Variants in SLC43A2 observed in about 807,000 individuals in gnomAD.
The protein encoded by SLC43A2 is solute carrier family 43 member 2.
Under a neutral mutation model 63.2 loss-of-function variants are expected in SLC43A2, and 38 were observed. That is an observed-to-expected ratio of 0.60 (90% CI 0.46 to 0.79). The LOEUF is 0.79. SLC43A2 is among the 30% of genes least tolerant of loss of function. The probability of loss-of-function intolerance (pLI) is 0.00; values close to 1 mark genes in which losing one functional copy is unlikely to be tolerated. For missense variants in SLC43A2, 644 were observed against 756.2 expected, an observed-to-expected ratio of 0.85 and a Z score of 1.74; for synonymous variants, 322 against 331.0, an observed-to-expected ratio of 0.97 and a Z score of 0.30.
At chr17:1,615,948 C>G (rs1461398080) in intron 3 of SLC43A2, among the ~76,000 whole-genome samples, 1 of 148,256 alleles carries the variant, frequency 6.7e-6, no homozygotes, top group Non-Finnish European at 1.5e-5. Context: ...GAGGGTGAGA[C>G]AGGAGAATTG....
chr17:1,578,438 A>C lies in SLC43A2; in HGVS notation c.1351-115T>G. 1.1e-6 allele frequency: 1 copy of C among 928,834 alleles called. No individual in the cohort carries two copies. The highest frequency in any genetic ancestry group is 1.6e-6 in the Non-Finnish European group (1 of 616,914). 57.5% of individuals were successfully genotyped at this position (928,834 alleles called of 1,614,324 possible). Reference sequence around the variant, plus strand: ...AGGGGCAGTGTCAGCCTGGAGTTGGATCAACCCCATCCTCCGGAGCCAATT... The same window carrying C: ...AGGGGCAGTGTCAGCCTGGAGTTGGCTCAACCCCATCCTCCGGAGCCAATT... On this transcript the variant is annotated intron_variant, in intron 11 of 13. Transcript: ENST00000301335. This position sits in a 1 kb window ranked among gnomAD's most constrained non-coding sequence, Gnocchi z 6.5.
At position 1,606,747 on chromosome 17, in the gene SLC43A2, C is replaced by T. The variant is rs531901177; in HGVS notation, c.501+6448G>A. 1.2e-3 allele frequency among the ~76,000 whole-genome samples: 184 copies of T among 152,372 alleles called. No individual in the cohort carries two copies. The highest frequency in any genetic ancestry group is 2.2e-3 in the Admixed American group (33 of 15,308). ...CCCGGGGGAGGCTGAGGATCCACACCGTGGGGAGTGCTCTGCCCCCATGGA... is the reference window on the plus strand; with the variant it reads ...CCCGGGGGAGGCTGAGGATCCACACTGTGGGGAGTGCTCTGCCCCCATGGA... On this transcript the variant is annotated intron_variant, in intron 5 of 13. Coordinates refer to ENST00000301335, the MANE Select transcript of SLC43A2 (RefSeq NM_152346.3). This position sits in a 1 kb window ranked among gnomAD's most constrained non-coding sequence, Gnocchi z 4.7.
At chr17:1,589,027 C>T (rs980004490) in intron 9 of SLC43A2, among the ~76,000 whole-genome samples, 11 of 152,314 alleles carry the variant, frequency 7.2e-5, no homozygotes, top group Middle Eastern at 3.4e-3. Flanking sequence ...GCCTCTCGGC[C>T]GGAGCTAGGG....
At chr17:1,585,077 G>C (rs1224554900) in intron 10 of SLC43A2, among the ~76,000 whole-genome samples, 1 of 152,180 alleles carries the variant, frequency 6.6e-6, no homozygotes, top group Non-Finnish European at 1.5e-5. Flanking sequence ...GCCGGGCGCG[G>C]TGCCTCATAC....
At position 1,591,670 on chromosome 17, in the gene SLC43A2, G is replaced by C. The variant is rs1427259219; in HGVS notation, c.624C>G (p.Ile208Met). Reference sequence around the variant, plus strand: ...AGCCGGCCCAGACCACGAGGACGACGATGAAGGAGACACCAGCATCATAGA... The same window carrying C: ...AGCCGGCCCAGACCACGAGGACGACCATGAAGGAGACACCAGCATCATAGA... ...KLIYDAGVSF[I>M]VVLVVWAGCS... The change falls in exon 7 of 14, where the codon ATC (isoleucine) becomes ATG (methionine). Residue 208 changes from isoleucine (I) to methionine (M), a missense_variant. By Grantham distance (10) the Ile-to-Met change is conservative. Around this residue, in one of 3 missense-constraint regions of SLC43A2, gnomAD observed 528 missense variants for 623.6 expected, o/e 0.85. Transcript: ENST00000301335. The C allele has an allele frequency of 2.8e-6, 4 of 1,412,626 alleles. No individual in the cohort carries two copies. The African/African-American group carries it at 6.0e-5, about 21-fold the overall frequency. The allele number at this position is 1,412,626 out of a possible 1,614,324, so 87.5% of individuals were successfully genotyped here. A position where few individuals can be genotyped will look rare whatever the true frequency, so the allele number is the denominator to read the frequency against.
chr17:1,620,843 A>G (rs1245901237), intron 2 of SLC43A2, among the ~76,000 whole-genome samples: 1 of 151,944 alleles, frequency 6.6e-6, no homozygotes, highest in African/African-American at 2.4e-5. Context: ...CAGGAGAGAG[A>G]CAAACAGATT....
intron 10 of SLC43A2, among the ~76,000 whole-genome samples, chr17:1,584,677 G>A (rs142642401): frequency 0.098 from 14,902 of 151,770 alleles, 962 homozygotes; most frequent in Middle Eastern, 0.17. Flanking sequence ...AAAATTAGCC[G>A]GGCGTGGTGG....
At chr17:1,589,357 C>A (rs1904531591) in intron 9 of SLC43A2, among the ~76,000 whole-genome samples, 1 of 151,980 alleles carries the variant, frequency 6.6e-6, no homozygotes, top group Non-Finnish European at 1.5e-5. Flanking sequence ...GTAATCCCAG[C>A]ACTTTGGGAG....
intron 9 of SLC43A2, among the ~76,000 whole-genome samples, chr17:1,586,423 G>A (rs1413736039): frequency 8.5e-5 from 13 of 152,148 alleles, no homozygotes; most frequent in African/African-American, 1.7e-4. Context: ...ACGGCTGGGC[G>A]CGGTGGCTCA....
At chr17:1,591,187 TTGGGGTGAGGTGGGAA>T in intron 8 of SLC43A2, 66 bp downstream of exon 8, 7 of 1,533,294 alleles carry the variant, frequency 4.6e-6, no homozygotes, top group Non-Finnish European at 6.2e-6. Context: ...GCCTCCCCTT[TTGGGGTGAGGTGGGAA>T]TGGGGTGAGC....
intron 5 of SLC43A2, among the ~76,000 whole-genome samples, chr17:1,608,968 A>G (rs1467172800): frequency 6.6e-6 from 1 of 152,234 alleles, no homozygotes. Context: ...TAATAAAATC[A>G]AGAGCACTGT....
intron 5 of SLC43A2, among the ~76,000 whole-genome samples, chr17:1,597,314 C>T (rs1021964349): frequency 6.7e-5 from 10 of 150,000 alleles, no homozygotes; most frequent in Non-Finnish European, 8.9e-5. Context: ...ACCAGCCTGG[C>T]GAACATGGTG....
At chr17:1,628,533 G>A (rs1453227309) in intron 1 of SLC43A2, among the ~76,000 whole-genome samples, 7 of 152,046 alleles carry the variant, frequency 4.6e-5, no homozygotes, top group South Asian at 4.1e-4. Context: ...TGGGAGACGA[G>A]GAGCCGGTTC....
intron 2 of SLC43A2, among the ~76,000 whole-genome samples, chr17:1,618,251 A>T (rs9911948): frequency 0.99 from 150,951 of 152,380 alleles, 74,794 homozygotes; most frequent in East Asian, 1. Flanking sequence ...CCAGTGTTTG[A>T]TTCTCCACTT....
chr17:1,582,142 C>T (rs1157934048), intron 11 of SLC43A2, among the ~76,000 whole-genome samples: 8 of 151,512 alleles, frequency 5.3e-5, no homozygotes, highest in Admixed American at 6.6e-5. Context: ...TGCAGTGGCG[C>T]GATCTCAGTT....
At chr17:1,611,104 G>A (rs957104978) in intron 5 of SLC43A2, among the ~76,000 whole-genome samples, 1 of 151,872 alleles carries the variant, frequency 6.6e-6, no homozygotes, top group Non-Finnish European at 1.5e-5. Context: ...TCGGCCTCCC[G>A]GAGTGCTGGG....
In SLC43A2 at chr17:1,575,337, AC is replaced by A; in HGVS notation, c.*266del. ...GGCGTTCCTGGCTCCTGCTGCAGGC[AC>A]CACAGAGACCCCAGGCCCCGGGTCC... On this transcript the variant is annotated 3_prime_UTR_variant, in exon 14 of 14. Transcript: ENST00000301335. 2 of 527,340 alleles carry A rather than the reference AC, an allele frequency of 3.8e-6. No individual in the cohort carries two copies. Among genetic ancestry groups the A allele is most frequent in the Non-Finnish European group, 6.8e-6 (2 of 296,252 alleles). The allele number at this position is 527,340 out of a possible 1,614,324, so 32.7% of individuals were successfully genotyped here. A position where few individuals can be genotyped will look rare whatever the true frequency, so the allele number is the denominator to read the frequency against.
rs748892942 is a variant in SLC43A2 at position 1,591,305 on chromosome 17, C to T, written c.895G>A (p.Val299Ile). ...QEGHKLCLST[V>I]DLEVKCQPDA... Reference sequence around the variant, plus strand: ...GGCTGGCACTTCACCTCCAGGTCGACGGTGGACAGGCACAGCTTGTGGCCC... The same window carrying T: ...GGCTGGCACTTCACCTCCAGGTCGATGGTGGACAGGCACAGCTTGTGGCCC... The change falls in exon 8 of 14, where the codon GTC becomes ATC. Residue 299 changes from valine (V) to isoleucine (I), a missense_variant. This residue lies in a region of SLC43A2 where 528 missense variants were observed against 623.6 expected (regional missense o/e 0.85). Transcript: ENST00000301335. 2.8e-5 allele frequency: 45 copies of T among 1,607,262 alleles called. No homozygotes were observed. Among genetic ancestry groups the T allele is most frequent in the South Asian group, 8.8e-5 (8 of 91,082 alleles).
Position 1,627,904 on chromosome 17 carries a change from C to T in SLC43A2, c.-30G>A, listed in dbSNP as rs761648806. ...CGGCGCGGCGCGGCTCCGGCTCCGG[C>T]TCCGGCTCTGCACCACCTGCGCACA... On this transcript the variant is annotated 5_prime_UTR_variant, in exon 2 of 14. Transcript: ENST00000301335. The T allele has an allele frequency of 3.3e-6, 5 of 1,531,070 alleles. No individual in the cohort carries two copies. The highest frequency in any genetic ancestry group is 2.8e-5 in the African/African-American group (2 of 71,718). 94.8% of individuals were successfully genotyped at this position (1,531,070 alleles called of 1,614,324 possible). A position where few individuals can be genotyped will look rare whatever the true frequency, so the allele number is the denominator to read the frequency against.
Sources: gnomAD v4.1 joint callset for allele counts (sites outside exome capture counted in the v4.1 genomes callset) on GRCh38, gnomAD v4.1.1 for gene constraint, gnomAD v4.1.1 regional missense constraint, Gnocchi (gnomAD v3.1) non-coding constraint, MANE v1.5 for transcripts, NCBI Gene and HGNC (gene_info 2026-07-23, HGNC 2026-07-21) for gene names.